The following KIF26B variants were observed in gnomAD, a reference collection of about 807,000 sequenced individuals.
KIF26B encodes kinesin-like protein KIF26B.
KIF26B carries 63 observed loss-of-function variants against 151.2 expected under a neutral mutation model. The observed-to-expected ratio is 0.42, with a 90% CI of 0.34 to 0.51. KIF26B has a LOEUF of 0.51. KIF26B is among the 20% of genes least tolerant of loss of function. The pLI is 0.07. For missense variants in KIF26B, 2,813 were observed against 2,913.6 expected (o/e 0.97, Z 0.79); for synonymous variants, 1,357 against 1,262.1 (o/e 1.08, Z -1.59).
chr1:245,261,348 C>G (rs146108983), intron 2 of KIF26B, among the ~76,000 whole-genome samples: 11,627 of 152,082 alleles, frequency 0.076, 587 homozygotes, highest in Middle Eastern at 0.12. Context: ...TCAGGCTGGT[C>G]TCGAACTCCC....
rs557235120 is a variant in KIF26B at position 245,312,357 on chromosome 1, A to G, written c.466-54477A>G. 5.3e-5 allele frequency among the ~76,000 whole-genome samples: 8 copies of G among 152,356 alleles called. No individual in the cohort carries two copies. In the South Asian group the frequency reaches 1.7e-3, roughly 32 times the overall value. ...TATCTGAGCCTGCATGTGATAATCA[A>G]CTTTCACATGAGCTTTCAAGAGACC... On this transcript the variant is annotated intron_variant, in intron 2 of 14. Coordinates refer to ENST00000407071, the MANE Select transcript of KIF26B (RefSeq NM_018012.4).
chr1:245,609,401 C>T lies in KIF26B; in HGVS notation c.1787C>T (p.Ser596Phe). 1 of 1,609,400 alleles carries T rather than the reference C, an allele frequency of 6.2e-7. No homozygotes were observed. The highest frequency in any genetic ancestry group is 8.5e-7 in the Non-Finnish European group (1 of 1,177,986). ...GGCGCCCGTTTCTCAGTCCGGGTTT[C>T]CGCCGTGGAAGTGTGGGGGAAGGAG... ...KTGARFSVRV[S>F]AVEVWGKEEN... is the part of the protein sequence containing the mutation. Residue 596 changes from serine (S) to phenylalanine (F), a missense_variant, in exon 8 of 15, where the codon TCC becomes TTC. By Grantham distance (155) the Ser-to-Phe change is radical. This residue lies in a region of KIF26B where 77 missense variants were observed against 136.9 expected (regional missense o/e 0.56). Transcript: ENST00000407071.
At position 245,193,195 on chromosome 1, in the gene KIF26B, A is replaced by G. The variant is rs138842615; in HGVS notation, c.465+36512A>G. The stretch of plus-strand genomic sequence containing the variant: ...GCTTAGGATGATGGCCTCCAGCCCC[A>G]TCCATGTTGCTGCAAAAGACATGAT... On this transcript the variant is annotated intron_variant, in intron 2 of 14. Transcript: ENST00000407071. Among the ~76,000 whole-genome samples the G allele has an allele frequency of 2.7e-3, 413 of 152,324 alleles. 2 individuals carry two copies. Among genetic ancestry groups the G allele is most frequent in the African/African-American group, 9.5e-3 (395 of 41,574 alleles).
chr1:245,384,301 AT>A (rs1482080092), intron 3 of KIF26B, among the ~76,000 whole-genome samples: 1 of 152,228 alleles, frequency 6.6e-6, no homozygotes. Flanking sequence ...ACCAAAAATA[AT>A]AATTATAGCT....
chr1:245,467,903 T>C (rs1572077129), intron 4 of KIF26B, among the ~76,000 whole-genome samples: 1 of 150,858 alleles, frequency 6.6e-6, no homozygotes, highest in South Asian at 2.1e-4. Flanking sequence ...AAAGTGGGGG[T>C]TGGGGGGTTG....
intron 2 of KIF26B, among the ~76,000 whole-genome samples, chr1:245,296,269 C>T (rs2102975559): frequency 6.6e-6 from 1 of 151,824 alleles, no homozygotes; most frequent in Non-Finnish European, 1.5e-5. Flanking sequence ...CACTTAGGAG[C>T]AAGTGACTAA....
At chr1:245,366,743 C>A in intron 2 of KIF26B, 91 bp from the exon 3 acceptor site, 1 of 1,257,730 alleles carries the variant, frequency 8.0e-7, no homozygotes, top group Non-Finnish European at 1.1e-6. Context: ...TTGAGTACGT[C>A]TCGGGTTTGA....
intron 2 of KIF26B, among the ~76,000 whole-genome samples, chr1:245,317,014 C>A (rs1222317256): frequency 1.3e-5 from 2 of 152,034 alleles, no homozygotes; most frequent in Non-Finnish European, 2.9e-5. Flanking sequence ...TGGTGATATA[C>A]GATTTCAACA....
chr1:245,496,286 T>C (rs1049767819), intron 4 of KIF26B, among the ~76,000 whole-genome samples: 10 of 152,276 alleles, frequency 6.6e-5, no homozygotes, highest in African/African-American at 2.4e-4. Flanking sequence ...GAGGGGCATA[T>C]GGGCCATTCT....
In KIF26B at chr1:245,597,452, C is replaced by T. The variant is rs578104177; in HGVS notation, c.1351-5125C>T. 2.6e-5 allele frequency among the ~76,000 whole-genome samples: 4 copies of T among 152,176 alleles called. No individual in the cohort carries two copies. The South Asian group carries it at 8.3e-4, about 32-fold the overall frequency. ...TTCTTTAAGAGTGTTGACTATTGGC[C>T]CCCACCCTCTTCTGGCTTGTAGGGT... On this transcript the variant is annotated intron_variant, in intron 5 of 14. Transcript: ENST00000407071. This position sits in a 1 kb window ranked among gnomAD's most constrained non-coding sequence, Gnocchi z 4.6.
intron 4 of KIF26B, among the ~76,000 whole-genome samples, chr1:245,480,551 G>A (rs535698548): frequency 5.3e-5 from 8 of 151,756 alleles, no homozygotes; most frequent in East Asian, 1.9e-4. Flanking sequence ...GCTTGGTACC[G>A]TATAACCAGT....
chr1:245,620,320 ACT>A (rs1295955910), intron 9 of KIF26B, among the ~76,000 whole-genome samples: 1 of 152,048 alleles, frequency 6.6e-6, no homozygotes, highest in East Asian at 1.9e-4. Flanking sequence ...TTTACAACCA[ACT>A]GGGTATAGAC....
intron 2 of KIF26B, among the ~76,000 whole-genome samples, chr1:245,247,742 C>G (rs1465287563): frequency 6.6e-6 from 1 of 152,226 alleles, no homozygotes; most frequent in Non-Finnish European, 1.5e-5. Flanking sequence ...TCAGCCATCT[C>G]TTAAACTAGA....
chr1:245,230,731 G>A (rs1485589067), intron 2 of KIF26B, among the ~76,000 whole-genome samples: 5 of 147,656 alleles, frequency 3.4e-5, no homozygotes, highest in South Asian at 2.1e-4. Flanking sequence ...CAACAAGAGC[G>A]AAACTTCATG....
intron 5 of KIF26B, among the ~76,000 whole-genome samples, chr1:245,571,715 T>TC (rs1454169444): frequency 1.3e-5 from 2 of 152,216 alleles, no homozygotes; most frequent in Non-Finnish European, 2.9e-5. Flanking sequence ...CGCTTTTGTT[T>TC]CTCAAAGGTT....
At chr1:245,561,846 A>G (rs781774126) in intron 5 of KIF26B, among the ~76,000 whole-genome samples, 29 of 152,142 alleles carry the variant, frequency 1.9e-4, no homozygotes, top group Non-Finnish European at 2.9e-4. Flanking sequence ...TTGGTTTACT[A>G]GAGGTTTCAT....
chr1:245,245,363 C>A (rs1670306737), intron 2 of KIF26B, among the ~76,000 whole-genome samples: 1 of 152,202 alleles, frequency 6.6e-6, no homozygotes, highest in South Asian at 2.1e-4. Context: ...AATGCCGAGT[C>A]TTGCTGTTGC....
chr1:245,209,970 G>A (rs926921278), intron 2 of KIF26B, among the ~76,000 whole-genome samples: 7 of 152,226 alleles, frequency 4.6e-5, no homozygotes, highest in African/African-American at 1.7e-4. Flanking sequence ...GTTAACCTGT[G>A]GGGGTCAGCT....
At chr1:245,525,418 G>A (rs371661246) in intron 4 of KIF26B, among the ~76,000 whole-genome samples, 23 of 152,200 alleles carry the variant, frequency 1.5e-4, no homozygotes, top group Admixed American at 3.3e-4. Flanking sequence ...ACAGGATAGA[G>A]AGAAAGCACA....
Sources: allele counts gnomAD v4.1 joint callset (sites outside exome capture counted in the v4.1 genomes callset), GRCh38; gene constraint gnomAD v4.1.1; regional missense constraint gnomAD v4.1.1; non-coding constraint Gnocchi (gnomAD v3.1); transcripts MANE v1.5; gene names NCBI Gene and HGNC (gene_info 2026-07-23, HGNC 2026-07-21).